Variants in CSMD1 observed in about 807,000 individuals in gnomAD.
CSMD1 encodes the protein CUB and Sushi multiple domains 1.
In CSMD1, 213 loss-of-function variants were observed where a neutral mutation model predicts 417.5. The ratio of observed to expected loss-of-function variants is 0.51; its 90% CI spans 0.46 to 0.57. CSMD1 has a LOEUF of 0.57. Ranked by LOEUF, CSMD1 falls within the 20% of genes least tolerant of loss-of-function variation. The pLI, the probability that CSMD1 is intolerant of heterozygous loss-of-function variation, is 0.00. For missense variants in CSMD1, 6,923 were observed against 4,529.7 expected (o/e 1.53, Z -15.17); for synonymous variants, 2,862 against 1,736.8 (o/e 1.65, Z -16.11).
At chr8:3,066,985 G>A (rs933501851) in intron 49 of CSMD1, among the ~76,000 whole-genome samples, 9 of 151,878 alleles carry the variant, frequency 5.9e-5, no homozygotes, top group Admixed American at 2.0e-4. Flanking sequence ...ACAGACTGAC[G>A]AAAATCCACA....
At chr8:3,729,075 T>C (rs2129046956) in intron 6 of CSMD1, among the ~76,000 whole-genome samples, 1 of 152,328 alleles carries the variant, frequency 6.6e-6, no homozygotes, top group South Asian at 2.1e-4. Flanking sequence ...CTCCACGTGA[T>C]CTGAACATGT....
chr8:4,520,395 G>C (rs1223430446), intron 2 of CSMD1, among the ~76,000 whole-genome samples: 1 of 152,104 alleles, frequency 6.6e-6, no homozygotes, highest in African/African-American at 2.4e-5. Flanking sequence ...ATATAATGTT[G>C]GCTAGCTGGT....
At chr8:4,168,836 G>T (rs900315676) in intron 3 of CSMD1, among the ~76,000 whole-genome samples, 2 of 151,784 alleles carry the variant, frequency 1.3e-5, no homozygotes, top group African/African-American at 2.4e-5. Flanking sequence ...GCTCTCTGTT[G>T]TCTTCAGCCT....
chr8:4,050,877 C>A (rs1285271301), intron 3 of CSMD1, among the ~76,000 whole-genome samples: 1 of 152,114 alleles, frequency 6.6e-6, no homozygotes, highest in Non-Finnish European at 1.5e-5. Flanking sequence ...ACTTCTAATA[C>A]TCCCAGATTA....
chr8:3,307,943 T>G, intron 24 of CSMD1, 122 bp from the exon 25 acceptor site: 1 of 1,082,088 alleles, frequency 9.2e-7, no homozygotes, highest in Non-Finnish European at 1.3e-6. Flanking sequence ...AGAATCACCA[T>G]CATCTCTCTC....
At chr8:4,898,013 A>G (rs1266452646) in intron 1 of CSMD1, among the ~76,000 whole-genome samples, 2 of 152,178 alleles carry the variant, frequency 1.3e-5, no homozygotes, top group African/African-American at 4.8e-5. Flanking sequence ...CTGGAAAAAC[A>G]GACTTCAGTT....
At chr8:3,978,887 T>G (rs1229675546) in intron 5 of CSMD1, among the ~76,000 whole-genome samples, 1 of 152,164 alleles carries the variant, frequency 6.6e-6, no homozygotes, top group Non-Finnish European at 1.5e-5. Flanking sequence ...GAACACAATA[T>G]GGGAACAGTG....
chr8:3,784,485 A>G (rs968789176), intron 5 of CSMD1, among the ~76,000 whole-genome samples: 12 of 152,174 alleles, frequency 7.9e-5, no homozygotes, highest in Admixed American at 7.9e-4. Flanking sequence ...ACTTCTAGGG[A>G]TGGGCACTTA....
chr8:4,827,345 C>T (rs959523398), intron 1 of CSMD1, among the ~76,000 whole-genome samples: 3 of 152,094 alleles, frequency 2.0e-5, no homozygotes, highest in Admixed American at 2.0e-4. Context: ...GCTAGAAGAG[C>T]ACACTAAGAC....
At chr8:4,440,892 G>A (rs902155849) in intron 2 of CSMD1, among the ~76,000 whole-genome samples, 6 of 151,354 alleles carry the variant, frequency 4.0e-5, no homozygotes, top group African/African-American at 1.5e-4. Context: ...AGCTACTTGG[G>A]AGACTGAGGC....
intron 3 of CSMD1, among the ~76,000 whole-genome samples, chr8:4,198,014 T>G (rs539355405): frequency 5.9e-5 from 9 of 152,210 alleles, no homozygotes; most frequent in East Asian, 5.8e-4. Context: ...TCCTTAAGAG[T>G]TGGGGGCACA....
chr8:3,337,960 G>C (rs910656166), intron 23 of CSMD1, among the ~76,000 whole-genome samples: 1 of 152,134 alleles, frequency 6.6e-6, no homozygotes, highest in Non-Finnish European at 1.5e-5. Context: ...TCCCTAATGA[G>C]CCTCTTCACC....
At chr8:3,790,068 T>C (rs556370137) in intron 5 of CSMD1, among the ~76,000 whole-genome samples, 1 of 152,202 alleles carries the variant, frequency 6.6e-6, no homozygotes, top group East Asian at 1.9e-4. Context: ...TTAGAGAATG[T>C]CAATGAAGGT....
chr8:3,759,216 C>T (rs1280035306), intron 5 of CSMD1, among the ~76,000 whole-genome samples: 2 of 152,060 alleles, frequency 1.3e-5, no homozygotes, highest in Non-Finnish European at 2.9e-5. Flanking sequence ...ATATGTATAG[C>T]TTTTATATGT....
intron 2 of CSMD1, among the ~76,000 whole-genome samples, chr8:4,624,598 C>T (rs1023547009): frequency 6.6e-6 from 1 of 152,256 alleles, no homozygotes; most frequent in Non-Finnish European, 1.5e-5. Context: ...AATGGAAGAT[C>T]CACGACATTG....
intron 52 of CSMD1, among the ~76,000 whole-genome samples, chr8:3,002,545 G>C (rs1484824012): frequency 6.6e-6 from 1 of 152,198 alleles, no homozygotes; most frequent in Non-Finnish European, 1.5e-5. Context: ...GGGGATGTGG[G>C]ACCAAAGGCA....
intron 2 of CSMD1, among the ~76,000 whole-genome samples, chr8:4,522,463 T>C (rs1803514756): frequency 6.6e-6 from 1 of 152,132 alleles, no homozygotes. Context: ...AGCAAGGAAA[T>C]TACAGAACAA....
chr8:3,075,774 G>A (rs111588650), intron 49 of CSMD1, among the ~76,000 whole-genome samples: 1 of 151,732 alleles, frequency 6.6e-6, no homozygotes, highest in African/African-American at 2.4e-5. Flanking sequence ...GGGCGCGGTG[G>A]CTCATGCCTG....
At chr8:3,824,621 G>T (rs1284212384) in intron 5 of CSMD1, among the ~76,000 whole-genome samples, 5 of 152,126 alleles carry the variant, frequency 3.3e-5, no homozygotes, top group Admixed American at 3.3e-4. Flanking sequence ...TTTTATTAAT[G>T]TTTTTCTACT....
Sources: gnomAD v4.1 joint callset for allele counts (sites outside exome capture counted in the v4.1 genomes callset) on GRCh38, gnomAD v4.1.1 for gene constraint, MANE v1.5 for transcripts, NCBI Gene and HGNC (gene_info 2026-07-23, HGNC 2026-07-21) for gene names.